RABGAP1L: variants seen among roughly 807,000 people sequenced by gnomAD.
RABGAP1L encodes RAB GTPase activating protein 1 like.
Under a neutral mutation model 137.7 loss-of-function variants are expected in RABGAP1L, and 63 were observed. The observed-to-expected ratio is 0.46, with a 90% CI of 0.37 to 0.56. The LOEUF (loss-of-function observed/expected upper bound fraction) is 0.56. RABGAP1L is among the 20% of genes least tolerant of loss of function. The pLI is 0.00. For synonymous variants in RABGAP1L, 431 were observed against 433.7 expected, an observed-to-expected ratio of 0.99 and a Z score of 0.08; for missense variants, 1,095 against 1,244.0, an observed-to-expected ratio of 0.88 and a Z score of 1.80.
intron 19 of RABGAP1L, among the ~76,000 whole-genome samples, chr1:174,879,426 T>C (rs983987458): frequency 4.0e-5 from 6 of 151,650 alleles, no homozygotes; most frequent in African/African-American, 1.5e-4. Context: ...GTAGAGACGG[T>C]ATTTCATCAT....
intron 13 of RABGAP1L, among the ~76,000 whole-genome samples, chr1:174,565,909 A>AGGTTCT (rs1667552457): frequency 7.2e-6 from 1 of 138,916 alleles, no homozygotes; most frequent in East Asian, 2.1e-4. Context: ...TTTTTGAGAC[A>AGGTTCT]GGTTCTGGTT....
chr1:174,225,743 CCT>C (rs1362001176), intron 3 of RABGAP1L, among the ~76,000 whole-genome samples: 1 of 152,038 alleles, frequency 6.6e-6, no homozygotes, highest in Non-Finnish European at 1.5e-5. Context: ...TCCTTCTACC[CCT>C]GTGTTAGAAA....
chr1:174,205,404 T>A (rs1032447827), intron 1 of RABGAP1L, among the ~76,000 whole-genome samples: 4 of 152,128 alleles, frequency 2.6e-5, no homozygotes, highest in Non-Finnish European at 5.9e-5. Context: ...CAGCTGTGAA[T>A]CCATCAGGTC....
At chr1:174,606,114 T>C (rs1375823127) in intron 13 of RABGAP1L, among the ~76,000 whole-genome samples, 2 of 152,230 alleles carry the variant, frequency 1.3e-5, no homozygotes, top group Non-Finnish European at 2.9e-5. Context: ...CAAATTTTTT[T>C]GACATTCATG....
At chr1:174,624,541 TAGG>T (rs1672798564) in intron 13 of RABGAP1L, among the ~76,000 whole-genome samples, 1 of 152,148 alleles carries the variant, frequency 6.6e-6, no homozygotes, top group Non-Finnish European at 1.5e-5. Flanking sequence ...GACTTGCAAG[TAGG>T]AGTATATTAT....
At chr1:174,512,626 C>CTT (rs1662458432) in intron 13 of RABGAP1L, among the ~76,000 whole-genome samples, 1 of 152,150 alleles carries the variant, frequency 6.6e-6, no homozygotes, top group African/African-American at 2.4e-5. Context: ...ACACTGTAAG[C>CTT]CTTCACTCTT....
chr1:174,289,875 G>A (rs1354948812), intron 10 of RABGAP1L, among the ~76,000 whole-genome samples: 1 of 152,178 alleles, frequency 6.6e-6, no homozygotes, highest in East Asian at 1.9e-4. Context: ...AAAGTTAGGC[G>A]GGGTTGCTGG....
chr1:174,238,442 T>C (rs541272887), intron 4 of RABGAP1L, among the ~76,000 whole-genome samples: 4 of 152,162 alleles, frequency 2.6e-5, no homozygotes, highest in Non-Finnish European at 5.9e-5. Context: ...TACAGATGGG[T>C]TTTTGGTGTG....
chr1:174,202,610 A>G (rs1172792873), intron 1 of RABGAP1L, among the ~76,000 whole-genome samples: 4 of 151,782 alleles, frequency 2.6e-5, no homozygotes, highest in African/African-American at 4.8e-5. Flanking sequence ...TTGCCTGTTC[A>G]CTCTGATGGT....
chr1:174,181,003 G>T (rs1666307482), intron 1 of RABGAP1L, among the ~76,000 whole-genome samples: 1 of 152,136 alleles, frequency 6.6e-6, no homozygotes, highest in African/African-American at 2.4e-5. Flanking sequence ...AGAAAACAGA[G>T]GATACAGGGA....
chr1:174,643,229 G>T (rs1490090951), intron 14 of RABGAP1L, among the ~76,000 whole-genome samples: 1 of 152,106 alleles, frequency 6.6e-6, no homozygotes, highest in African/African-American at 2.4e-5. Flanking sequence ...GGATCAGATG[G>T]ATCCAAAAGG....
intron 13 of RABGAP1L, among the ~76,000 whole-genome samples, chr1:174,605,383 C>T (rs943023919): frequency 2.0e-5 from 3 of 152,196 alleles, no homozygotes; most frequent in Non-Finnish European, 4.4e-5. Flanking sequence ...TTGAGCATCT[C>T]AAACACCTGT....
intron 13 of RABGAP1L, among the ~76,000 whole-genome samples, chr1:174,597,376 C>T (rs996619060): frequency 1.2e-4 from 19 of 152,224 alleles, no homozygotes; most frequent in African/African-American, 3.8e-4. Context: ...CTTTTTATTA[C>T]ATCTCAGTCT....
At chr1:174,161,873 C>T (rs959658474) in intron 1 of RABGAP1L, among the ~76,000 whole-genome samples, 1 of 152,152 alleles carries the variant, frequency 6.6e-6, no homozygotes, top group African/African-American at 2.4e-5. Context: ...GGACCACAGG[C>T]ACATGCCACC....
chr1:174,748,065 A>G (rs1256806390), intron 17 of RABGAP1L, among the ~76,000 whole-genome samples: 3 of 152,218 alleles, frequency 2.0e-5, no homozygotes, highest in African/African-American at 4.8e-5. Context: ...TAAAAAGTTT[A>G]GCAAAGTTTC....
At chr1:174,560,493 C>A (rs1667141999) in intron 13 of RABGAP1L, among the ~76,000 whole-genome samples, 1 of 152,122 alleles carries the variant, frequency 6.6e-6, no homozygotes, top group Non-Finnish European at 1.5e-5. Context: ...CTTTGTAAGT[C>A]GTGTTAATTG....
chr1:174,222,419 A>T (rs946303702), intron 3 of RABGAP1L, among the ~76,000 whole-genome samples: 1 of 152,236 alleles, frequency 6.6e-6, no homozygotes, highest in Non-Finnish European at 1.5e-5. Flanking sequence ...ATGTAATCAC[A>T]GTGCCTTCCA....
At chr1:174,684,435 T>C (rs1294765914) in intron 15 of RABGAP1L, among the ~76,000 whole-genome samples, 1 of 152,078 alleles carries the variant, frequency 6.6e-6, no homozygotes, top group African/African-American at 2.4e-5. Flanking sequence ...GGGAACAATA[T>C]GAAATCACAG....
rs1667366323 is a variant in RABGAP1L at position 174,949,255 on chromosome 1, G to A, written c.2341-8202G>A. ...TAGGAAGGAAAATGATGTCAGATTT[G>A]CATCCTGGAAAAAATTACTTTGGCT... is the stretch of plus-strand genomic sequence containing the variant. On this transcript the variant is annotated intron_variant, in intron 19 of 25. Transcript: ENST00000681986. 2.0e-5 allele frequency among the ~76,000 whole-genome samples: 3 copies of A among 152,172 alleles called. No homozygotes were observed. In the South Asian group the frequency reaches 6.2e-4, roughly 31 times the overall value.
Sources: allele counts gnomAD v4.1 joint callset (sites outside exome capture counted in the v4.1 genomes callset), GRCh38; gene constraint gnomAD v4.1.1; transcripts MANE v1.5; gene names NCBI Gene and HGNC (gene_info 2026-07-23, HGNC 2026-07-21).